ZBTB20: variants seen among roughly 807,000 people sequenced by gnomAD.
ZBTB20 encodes zinc finger and BTB domain containing 20.
Under a neutral mutation model 56.9 loss-of-function variants are expected in ZBTB20, and 9 were observed. The observed-to-expected ratio is 0.16, with a 90% CI of 0.10 to 0.28. The LOEUF (loss-of-function observed/expected upper bound fraction) is 0.28, where lower values mean the gene tolerates loss of function less well. ZBTB20 is among the 10% of genes least tolerant of loss of function. The pLI, the probability that ZBTB20 is intolerant of heterozygous loss-of-function variation, is 1.00. For missense variants in ZBTB20, 655 were observed against 1,003.0 expected, an observed-to-expected ratio of 0.65 and a Z score of 4.69; for synonymous variants, 417 against 420.7, an observed-to-expected ratio of 0.99 and a Z score of 0.11.
In ZBTB20 at chr3:114,350,974, A is replaced by T; in HGVS notation, c.1104T>A (p.Ser368Arg). ...AGTCGAAGCTTTCACCTTTGGGCTC[A>T]CTCTCGGTGCCCTCGGCCTGGTCTG... ...EDTDQAEGTE[S>R]EPKGESFDSG... Residue 368 changes from serine (S) to arginine (R), a missense_variant, in exon 11 of 12, where the codon AGT (serine) becomes AGA (arginine). Around this residue, in one of 10 missense-constraint regions of ZBTB20, gnomAD observed 156 missense variants for 181.0 expected, o/e 0.86. Coordinates refer to ENST00000675478, the MANE Select transcript of ZBTB20 (RefSeq NM_001348800.3). 1 of 1,593,222 alleles carries T rather than the reference A, an allele frequency of 6.3e-7. No homozygotes were observed. The highest frequency in any genetic ancestry group is 8.5e-7 in the Non-Finnish European group (1 of 1,174,172).
intron 10 of ZBTB20, among the ~76,000 whole-genome samples, chr3:114,372,568 C>A (rs2083151252): frequency 1.3e-5 from 2 of 152,182 alleles, no homozygotes; most frequent in African/African-American, 4.8e-5. Flanking sequence ...GTGGCTCATG[C>A]CTGTAATCCC....
chr3:114,967,427 T>C (rs1024574760), intron 3 of ZBTB20, among the ~76,000 whole-genome samples: 1 of 152,222 alleles, frequency 6.6e-6, no homozygotes, highest in African/African-American at 2.4e-5. Flanking sequence ...CTTTCTGGTA[T>C]GTACTGTACT....
chr3:114,585,443 A>G (rs1467699692), intron 6 of ZBTB20, among the ~76,000 whole-genome samples: 2 of 152,096 alleles, frequency 1.3e-5, no homozygotes, highest in African/African-American at 4.8e-5. Flanking sequence ...TTCCCATCTC[A>G]TATCATTCTA....
chr3:114,354,972 G>A (rs566025681), intron 10 of ZBTB20, among the ~76,000 whole-genome samples: 1 of 152,142 alleles, frequency 6.6e-6, no homozygotes, highest in South Asian at 2.1e-4. Context: ...TTGCACAGTA[G>A]CACATGGCAG....
At chr3:114,807,331 G>T (rs2072182875) in intron 4 of ZBTB20, among the ~76,000 whole-genome samples, 1 of 151,866 alleles carries the variant, frequency 6.6e-6, no homozygotes, top group Admixed American at 6.6e-5. Context: ...AGATTATATT[G>T]CCGGCAAATA....
At chr3:114,748,003 CTT>C (rs145317467) in intron 5 of ZBTB20, among the ~76,000 whole-genome samples, 2,248 of 149,324 alleles carry the variant, frequency 0.015, 86 homozygotes, top group African/African-American at 0.054. Context: ...CACAATAAAA[CTT>C]ATTGAATTTT....
intron 5 of ZBTB20, among the ~76,000 whole-genome samples, chr3:114,781,673 C>T (rs1166103580): frequency 6.6e-6 from 1 of 152,108 alleles, no homozygotes; most frequent in Non-Finnish European, 1.5e-5. Context: ...AGCTGTGTCC[C>T]CATCCAGATC....
intron 3 of ZBTB20, among the ~76,000 whole-genome samples, chr3:114,932,553 G>A (rs895233628): frequency 6.6e-6 from 1 of 152,128 alleles, no homozygotes; most frequent in Non-Finnish European, 1.5e-5. Flanking sequence ...TTGTCACCCA[G>A]CACAGAGCCC....
intron 6 of ZBTB20, among the ~76,000 whole-genome samples, chr3:114,621,858 G>A (rs894735749): frequency 2.0e-5 from 3 of 151,956 alleles, no homozygotes; most frequent in African/African-American, 4.8e-5. Flanking sequence ...AAAATACATC[G>A]TCTTGCCTTT....
chr3:115,058,257 G>C (rs1314506053), intron 2 of ZBTB20, among the ~76,000 whole-genome samples: 1 of 152,114 alleles, frequency 6.6e-6, no homozygotes, highest in East Asian at 1.9e-4. Context: ...TTTAATATTT[G>C]TGTCTTCCTC....
intron 2 of ZBTB20, among the ~76,000 whole-genome samples, chr3:115,010,381 A>C (rs1439000860): frequency 6.6e-6 from 1 of 151,916 alleles, no homozygotes; most frequent in African/African-American, 2.4e-5. Context: ...GCCACAAGGG[A>C]GCTTGGGTTA....
chr3:114,799,891 T>C (rs1359693944), intron 5 of ZBTB20, among the ~76,000 whole-genome samples: 1 of 151,898 alleles, frequency 6.6e-6, no homozygotes, highest in South Asian at 2.1e-4. Flanking sequence ...GGCAGAGACA[T>C]ATAAGCAACT....
chr3:114,766,289 G>T (rs1307001944), intron 5 of ZBTB20, among the ~76,000 whole-genome samples: 1 of 150,696 alleles, frequency 6.6e-6, no homozygotes, highest in East Asian at 1.9e-4. Flanking sequence ...TCTGAAATGG[G>T]CACAGAAACG....
intron 7 of ZBTB20, among the ~76,000 whole-genome samples, chr3:114,399,256 T>C (rs1036141806): frequency 2.0e-5 from 3 of 152,168 alleles, no homozygotes; most frequent in Non-Finnish European, 4.4e-5. Context: ...GTGCATTTTA[T>C]TAGAGTATAA....
At chr3:114,773,780 C>T (rs762170511) in intron 5 of ZBTB20, among the ~76,000 whole-genome samples, 5 of 152,166 alleles carry the variant, frequency 3.3e-5, no homozygotes, top group African/African-American at 9.7e-5. Context: ...CCAAAATTCA[C>T]AGATCACATG....
chr3:114,641,317 C>A (rs2059546012), intron 6 of ZBTB20, among the ~76,000 whole-genome samples: 1 of 151,692 alleles, frequency 6.6e-6, no homozygotes, highest in Non-Finnish European at 1.5e-5. Flanking sequence ...TGATGGCCTG[C>A]AAAGATCTAG....
intron 3 of ZBTB20, chr3:114,930,564 G>A (rs1560410998): frequency 6.3e-6 from 1 of 157,602 alleles, no homozygotes; most frequent in Non-Finnish European, 1.4e-5. Context: ...CCTGAGCAAA[G>A]ACGCCAAGGC....
In ZBTB20 at chr3:115,025,321, A is replaced by T. The variant is rs962783835; in HGVS notation, c.-507+45898T>A. Among the ~76,000 whole-genome samples, 3 of 151,396 alleles carry T rather than the reference A, an allele frequency of 2.0e-5. No homozygotes were observed. In the Admixed American group the frequency reaches 2.0e-4, roughly 10 times the overall value. On this transcript the variant is annotated intron_variant, in intron 2 of 11. Coordinates refer to ENST00000675478, the MANE Select transcript of ZBTB20 (RefSeq NM_001348800.3). ...GCCTAGTATTCCATGGTGTATATGT[A>T]CTACATTTTCTTTAACCAGTCTATC... is the stretch of plus-strand genomic sequence containing the variant.
chr3:114,989,643 T>A lies in ZBTB20; in HGVS notation c.-506-15227A>T, dbSNP rs1439228965. Among the ~76,000 whole-genome samples, 3 of 152,264 alleles carry A rather than the reference T, an allele frequency of 2.0e-5. No homozygotes were observed. In the South Asian group the frequency reaches 6.2e-4, roughly 32 times the overall value. On this transcript the variant is annotated intron_variant, in intron 2 of 11. Coordinates refer to ENST00000675478, the MANE Select transcript of ZBTB20 (RefSeq NM_001348800.3). ...TTTTTTCCCAATTCTGTGAAGAAAGTCATTGGTAACTTGAGGGGGATGGCA... is the reference window on the plus strand; with the variant it reads ...TTTTTTCCCAATTCTGTGAAGAAAGACATTGGTAACTTGAGGGGGATGGCA...
Sources: allele counts gnomAD v4.1 joint callset (sites outside exome capture counted in the v4.1 genomes callset), GRCh38; gene constraint gnomAD v4.1.1; regional missense constraint gnomAD v4.1.1; transcripts MANE v1.5; gene names NCBI Gene and HGNC (gene_info 2026-07-23, HGNC 2026-07-21).